The following ROR1 variants were observed in gnomAD, a reference collection of about 807,000 sequenced individuals.
The protein encoded by ROR1 is ROR family WNT receptor 1.
A neutral mutation model predicts 78.8 loss-of-function variants in ROR1; 19 were observed. The observed-to-expected ratio is 0.24, with a 90% CI of 0.17 to 0.35. The LOEUF is 0.35. Among genes scored for constraint, ROR1 ranks in the 10% least tolerant of loss-of-function variants. The pLI is 1.00. For missense variants in ROR1, 917 were observed against 1,177.8 expected (o/e 0.78, Z 3.24); for synonymous variants, 386 against 433.6 (o/e 0.89, Z 1.36).
intron 1 of ROR1, among the ~76,000 whole-genome samples, chr1:63,870,298 A>C (rs1198758275): frequency 6.6e-6 from 1 of 152,082 alleles, no homozygotes; most frequent in African/African-American, 2.4e-5. Flanking sequence ...CATAATTTGA[A>C]CTCTGAGCAT....
At chr1:64,142,362 CTA>C (rs764170605) in intron 6 of ROR1, 41 bp from the exon 7 acceptor site, 1 of 1,609,230 alleles carries the variant, frequency 6.2e-7, no homozygotes, top group East Asian at 2.2e-5. Flanking sequence ...CCAGCATCTC[CTA>C]TGTTTCTTTC....
chr1:63,843,017 G>A (rs1645058380), intron 1 of ROR1, among the ~76,000 whole-genome samples: 1 of 152,144 alleles, frequency 6.6e-6, no homozygotes, highest in Non-Finnish European at 1.5e-5. Context: ...GGGATGGAGG[G>A]AGGAGGAAAA....
At chr1:63,896,653 A>G (rs565272712) in intron 1 of ROR1, among the ~76,000 whole-genome samples, 1 of 152,238 alleles carries the variant, frequency 6.6e-6, no homozygotes, top group African/African-American at 2.4e-5. Flanking sequence ...GGAAAAACTG[A>G]CTAGTCTACA....
At chr1:63,970,921 T>C (rs1646114009) in intron 1 of ROR1, among the ~76,000 whole-genome samples, 1 of 152,164 alleles carries the variant, frequency 6.6e-6, no homozygotes. Flanking sequence ...CTATGAACTC[T>C]AAAAAATCTT....
chr1:63,846,640 G>A (rs907847279), intron 1 of ROR1, among the ~76,000 whole-genome samples: 6 of 152,108 alleles, frequency 3.9e-5, no homozygotes, highest in Non-Finnish European at 7.4e-5. Context: ...CTTCATCAAC[G>A]GAATCACAGA....
At chr1:64,166,903 A>C (rs1445056058) in intron 8 of ROR1, among the ~76,000 whole-genome samples, 3 of 152,248 alleles carry the variant, frequency 2.0e-5, no homozygotes, top group Non-Finnish European at 4.4e-5. Context: ...ACTTCTGGGA[A>C]AAACAAGTCC....
chr1:63,852,311 C>A (rs1358594309), intron 1 of ROR1, among the ~76,000 whole-genome samples: 1 of 152,182 alleles, frequency 6.6e-6, no homozygotes, highest in African/African-American at 2.4e-5. Flanking sequence ...GCAAACTCTT[C>A]CTTTTGTAGA....
chr1:64,090,339 G>C (rs1385319901), intron 4 of ROR1, among the ~76,000 whole-genome samples: 3 of 152,114 alleles, frequency 2.0e-5, no homozygotes, highest in Non-Finnish European at 4.4e-5. Flanking sequence ...AAAAGCAGAG[G>C]ATCTCAAAAG....
At chr1:64,016,525 T>C (rs1026985292) in intron 2 of ROR1, among the ~76,000 whole-genome samples, 7 of 152,066 alleles carry the variant, frequency 4.6e-5, no homozygotes, top group Admixed American at 1.3e-4. Context: ...TTTATTTCTA[T>C]TAGATAATGC....
Position 64,178,072 on chromosome 1 carries a change from C to T in ROR1, c.2031C>T (p.Ser677=). Residue 677 remains serine, a synonymous_variant, in exon 9 of 9, where the codon TCC becomes TCT. Coordinates refer to ENST00000371079, the MANE Select transcript of ROR1 (RefSeq NM_005012.4). The surrounding 1 kb of genome is among the most constrained non-coding windows in gnomAD (Gnocchi z 4.3). ...TCTCTTCTGATTCAGATATCTGGTC[C>T]TTTGGGGTTGTCTTGTGGGAGATTT... The part of the protein sequence containing the change: ...GKFSSDSDIW[S]FGVVLWEIFS... 6.2e-7 allele frequency: 1 copy of T among 1,614,094 alleles called. No homozygotes were observed. The highest frequency in any genetic ancestry group is 8.5e-7 in the Non-Finnish European group (1 of 1,180,020).
At chr1:63,820,233 A>T (rs1410279960) in intron 1 of ROR1, among the ~76,000 whole-genome samples, 2 of 152,206 alleles carry the variant, frequency 1.3e-5, no homozygotes, top group Non-Finnish European at 2.9e-5. Context: ...AGTGATCTCC[A>T]CAGGGCACGT....
In ROR1 at chr1:63,783,309, G is replaced by A. The variant is rs1644664425; in HGVS notation, c.91+8801G>A. ...AGTTAAAAATGTTGTGCATTTCAGGGCTGCTTGTCAAAGGTATATGATGGT... is the reference window on the plus strand; with the variant it reads ...AGTTAAAAATGTTGTGCATTTCAGGACTGCTTGTCAAAGGTATATGATGGT... On this transcript the variant is annotated intron_variant, in intron 1 of 8. Transcript: ENST00000371079. 1.3e-5 allele frequency among the ~76,000 whole-genome samples: 2 copies of A among 152,084 alleles called. 1 individual carries two copies. Among genetic ancestry groups the A allele is most frequent in the African/African-American group, 4.8e-5 (2 of 41,402 alleles).
At chr1:63,913,229 G>A (rs1218450142) in intron 1 of ROR1, among the ~76,000 whole-genome samples, 3 of 152,124 alleles carry the variant, frequency 2.0e-5, no homozygotes, top group Non-Finnish European at 4.4e-5. Flanking sequence ...ATATATTAAT[G>A]TAGAATAGAC....
At chr1:63,906,157 C>A (rs1645526989) in intron 1 of ROR1, among the ~76,000 whole-genome samples, 1 of 152,148 alleles carries the variant, frequency 6.6e-6, no homozygotes, top group African/African-American at 2.4e-5. Context: ...CTAACCAAAA[C>A]AAACTAGATG....
intron 1 of ROR1, among the ~76,000 whole-genome samples, chr1:63,952,642 G>C (rs1197059919): frequency 6.6e-6 from 1 of 152,126 alleles, no homozygotes; most frequent in African/African-American, 2.4e-5. Flanking sequence ...GGTTGCAAAG[G>C]TACCTTTGCC....
Position 64,177,897 on chromosome 1 carries a change from G to A in ROR1, c.1856G>A (p.Arg619His), listed in dbSNP as rs1650430146. The change falls in exon 9 of 9, where the codon CGC (arginine) becomes CAC (histidine). Residue 619 changes from arginine to histidine, a missense_variant. Around this residue, in one of 3 missense-constraint regions of ROR1, gnomAD observed 835 missense variants for 1,069.8 expected, o/e 0.78. Coordinates refer to ENST00000371079, the MANE Select transcript of ROR1 (RefSeq NM_005012.4). ...HFFVHKDLAARNILIGEQLHV... is the reference protein window; with the variant it reads ...HFFVHKDLAAHNILIGEQLHV... ...TTTGTCCACAAGGACCTTGCAGCTCGCAATATTTTAATCGGAGAGCAACTT... is the reference window on the plus strand; with the variant it reads ...TTTGTCCACAAGGACCTTGCAGCTCACAATATTTTAATCGGAGAGCAACTT... 1.2e-6 allele frequency: 2 copies of A among 1,614,146 alleles called. No homozygotes were observed. The highest frequency in any genetic ancestry group is 8.5e-7 in the Non-Finnish European group (1 of 1,180,002).
At chr1:63,926,375 T>G (rs1159166455) in intron 1 of ROR1, among the ~76,000 whole-genome samples, 3 of 152,160 alleles carry the variant, frequency 2.0e-5, no homozygotes, top group Non-Finnish European at 1.5e-5. Flanking sequence ...TTGATCTATA[T>G]CTCTGTTTTG....
At chr1:63,936,699 AT>A (rs1458757377) in intron 1 of ROR1, among the ~76,000 whole-genome samples, 3 of 152,124 alleles carry the variant, frequency 2.0e-5, no homozygotes, top group Non-Finnish European at 4.4e-5. Context: ...TGCCGATGCC[AT>A]TTTTAGCTAG....
rs1645059632 is a variant in ROR1, at chr1:63,843,158, G to T, written c.91+68650G>T. 4.1e-6 allele frequency: 4 copies of T among 977,200 alleles called. No homozygotes were observed. In the Admixed American group the frequency reaches 7.5e-5, roughly 18 times the overall value. The allele number at this position is 977,200 out of a possible 1,614,324, so 60.5% of individuals were successfully genotyped here. The stretch of plus-strand genomic sequence containing the variant: ...AACCCCCGAGGGCAGATGTGGGGCT[G>T]CCAGATGCTCCAGGCAGGTGGCCAG... On this transcript the variant is annotated intron_variant, in intron 1 of 8. Transcript: ENST00000371079.
Sources: gnomAD v4.1 joint callset for allele counts (sites outside exome capture counted in the v4.1 genomes callset) on GRCh38, gnomAD v4.1.1 for gene constraint, gnomAD v4.1.1 regional missense constraint, Gnocchi (gnomAD v3.1) non-coding constraint, MANE v1.5 for transcripts, NCBI Gene and HGNC (gene_info 2026-07-23, HGNC 2026-07-21) for gene names.